POLB: variants seen among roughly 807,000 people sequenced by gnomAD.
POLB encodes DNA polymerase beta.
Under a neutral mutation model 52.7 loss-of-function variants are expected in POLB, and 37 were observed. That is an observed-to-expected ratio of 0.70 (90% CI 0.54 to 0.92). The LOEUF (loss-of-function observed/expected upper bound fraction) is 0.92. POLB is among the 40% of genes least tolerant of loss of function. The probability of loss-of-function intolerance (pLI) is 0.00; values close to 1 mark genes in which losing one functional copy is unlikely to be tolerated. For missense variants in POLB, 313 were observed against 400.8 expected (o/e 0.78, Z 1.87); for synonymous variants, 138 against 131.3 (o/e 1.05, Z -0.35).
In POLB at chr8:42,371,722, A is replaced by G. The variant is rs1429582187; in HGVS notation, c.*65A>G. 3 of 936,742 alleles carry G rather than the reference A, an allele frequency of 3.2e-6. No homozygotes were observed. The highest frequency in any genetic ancestry group is 1.7e-6 in the Non-Finnish European group (1 of 574,046). 58.0% of individuals were successfully genotyped at this position (936,742 alleles called of 1,614,324 possible). A position where few individuals can be genotyped will look rare whatever the true frequency, so the allele number is the denominator to read the frequency against. ...CTTAATTTATTTCTTAACCTTTGCT[A>G]TGTAAGGGTCTTTGGTGTTTTTAAA... is the stretch of plus-strand genomic sequence containing the variant. On this transcript the variant is annotated 3_prime_UTR_variant, in exon 14 of 14. Transcript: ENST00000265421.
intron 11 of POLB, among the ~76,000 whole-genome samples, chr8:42,366,405 G>C (rs1157604550): frequency 6.6e-6 from 1 of 152,138 alleles, no homozygotes; most frequent in Non-Finnish European, 1.5e-5. Context: ...CTGTTTATTT[G>C]TTTTTAAAGT....
chr8:42,357,326 G>A lies in POLB; in HGVS notation c.484G>A (p.Val162Ile), dbSNP rs1240471573. 2 of 1,547,552 alleles carry A rather than the reference G, an allele frequency of 1.3e-6. No individual in the cohort carries two copies. The highest frequency in any genetic ancestry group is 1.8e-6 in the Non-Finnish European group (2 of 1,119,840). Residue 162 changes from valine (V) to isoleucine (I), a missense_variant, in exon 9 of 14, where the codon GTA (valine) becomes ATA (isoleucine). Transcript: ENST00000265421. Reference protein sequence around the residue: ...REEMLQMQDIVLNEVKKVDSE... With the variant: ...REEMLQMQDIILNEVKKVDSE... ...TTAATTTTTCTTCTATTAGGATATTGTACTAAATGAAGTTAAAAAAGTGGA... is the reference window on the plus strand; with the variant it reads ...TTAATTTTTCTTCTATTAGGATATTATACTAAATGAAGTTAAAAAAGTGGA...
chr8:42,352,891 A>G (rs953819582), intron 6 of POLB, among the ~76,000 whole-genome samples: 12 of 152,044 alleles, frequency 7.9e-5, no homozygotes, highest in Non-Finnish European at 1.5e-4. Flanking sequence ...TCTGGCCAAC[A>G]TGGTGAAACC....
rs529273833 is a variant in POLB, at chr8:42,357,735, T to G, written c.550+343T>G. ...AATTTACCTTTCTTTTTCCTTTTTTTTTTTTTTTTTGAGACAGAGTCTCAC... is the reference window on the plus strand; with the variant it reads ...AATTTACCTTTCTTTTTCCTTTTTTGTTTTTTTTTTGAGACAGAGTCTCAC... On this transcript the variant is annotated intron_variant, in intron 9 of 13. Transcript: ENST00000265421. 6 of 185,824 alleles carry G rather than the reference T, an allele frequency of 3.2e-5. No homozygotes were observed. In the East Asian group the frequency reaches 8.6e-4, roughly 27 times the overall value. The allele number at this position is 185,824 out of a possible 1,614,324, so 11.5% of individuals were successfully genotyped here.
chr8:42,353,272 C>T (rs1405210341), intron 6 of POLB, among the ~76,000 whole-genome samples: 1 of 150,966 alleles, frequency 6.6e-6, no homozygotes, highest in South Asian at 2.1e-4. Context: ...CCACACCCGG[C>T]TAATTTTTTT....
At chr8:42,342,726 G>A (rs1024390153) in intron 2 of POLB, 5 of 402,260 alleles carry the variant, frequency 1.2e-5, no homozygotes, top group African/African-American at 8.2e-5. Context: ...CAGGCACAGT[G>A]GCTCACGTCT....
At chr8:42,343,773 A>G (rs1283625417) in intron 2 of POLB, among the ~76,000 whole-genome samples, 1 of 152,034 alleles carries the variant, frequency 6.6e-6, no homozygotes, top group Non-Finnish European at 1.5e-5. Flanking sequence ...TACAAATCAT[A>G]CTCTTTGACG....
intron 3 of POLB, among the ~76,000 whole-genome samples, chr8:42,348,363 A>C (rs1316390066): frequency 6.6e-6 from 1 of 152,208 alleles, no homozygotes; most frequent in African/African-American, 2.4e-5. Context: ...AGTTCTTGAA[A>C]CGTGGATGTT....
intron 8 of POLB, 39 bp from the exon 9 acceptor site, chr8:42,357,281 G>C (rs1563400909): frequency 7.0e-7 from 1 of 1,427,394 alleles, no homozygotes. Context: ...TTGGTGAAAA[G>C]CCATTTTGGG....
At chr8:42,339,170 G>C in intron 2 of POLB, 101 bp downstream of exon 2, 1 of 915,178 alleles carries the variant, frequency 1.1e-6, no homozygotes, top group East Asian at 2.4e-5. Context: ...TGGTCCATCT[G>C]CAAGAGCGGG....
At chr8:42,370,259 GTTTTTTTT>G (rs34271342) in intron 13 of POLB, 23 of 290,562 alleles carry the variant, frequency 7.9e-5, no homozygotes, top group Admixed American at 3.4e-4. Context: ...ATCTAAAAGG[GTTTTTTTT>G]TTTTTTTTTT....
At chr8:42,349,201 A>G (rs1280551686) in intron 4 of POLB, 111 bp downstream of exon 4, 2 of 619,200 alleles carry the variant, frequency 3.2e-6, no homozygotes, top group African/African-American at 3.8e-5. Context: ...ACTCACAGGA[A>G]ATGAGGTGAG....
chr8:42,368,404 A>T (rs1824172597), intron 11 of POLB, among the ~76,000 whole-genome samples: 1 of 152,250 alleles, frequency 6.6e-6, no homozygotes, highest in Admixed American at 6.5e-5. Flanking sequence ...TTGCTGAGTG[A>T]AAAAGTATGG....
In POLB at chr8:42,339,722, TTTTC is replaced by T. The variant is rs1442003781; in HGVS notation, c.119+661_119+664del. 4.6e-5 allele frequency: 7 copies of T among 152,098 alleles called. No homozygotes were observed. In the South Asian group the frequency reaches 6.2e-4, roughly 14 times the overall value. 9.4% of individuals were successfully genotyped at this position (152,098 alleles called of 1,614,324 possible). A position where few individuals can be genotyped will look rare whatever the true frequency, so the allele number is the denominator to read the frequency against. On this transcript the variant is annotated intron_variant, in intron 2 of 13. Transcript: ENST00000265421. ...ACGCCACCACACCCAGCTAATTTTTTTTTCTTTCTTTTTTTTTCTTTTTTTTTTT... is the reference window on the plus strand; with the variant it reads ...ACGCCACCACACCCAGCTAATTTTTTTTTCTTTTTTTTTCTTTTTTTTTTT...
At chr8:42,365,562 C>T (rs990716368) in intron 11 of POLB, among the ~76,000 whole-genome samples, 1 of 152,168 alleles carries the variant, frequency 6.6e-6, no homozygotes, top group African/African-American at 2.4e-5. Flanking sequence ...TATCTTGCTA[C>T]GTCTGGGCAT....
intron 3 of POLB, among the ~76,000 whole-genome samples, chr8:42,348,184 G>A (rs1822752641): frequency 6.6e-6 from 1 of 152,132 alleles, no homozygotes. Context: ...CCTAAGGAAG[G>A]TAATAGAGAT....
At chr8:42,366,351 C>T (rs1824036829) in intron 11 of POLB, among the ~76,000 whole-genome samples, 1 of 152,168 alleles carries the variant, frequency 6.6e-6, no homozygotes, top group Non-Finnish European at 1.5e-5. Context: ...ATCCCCCAGA[C>T]ATATTTCCAG....
chr8:42,370,255 A>C, intron 13 of POLB: 2 of 477,994 alleles, frequency 4.2e-6, no homozygotes, highest in Non-Finnish European at 3.8e-6. Context: ...ATTCATCTAA[A>C]AGGGTTTTTT....
intron 7 of POLB, among the ~76,000 whole-genome samples, chr8:42,356,634 G>C (rs1823333973): frequency 6.6e-6 from 1 of 151,380 alleles, no homozygotes; most frequent in South Asian, 2.1e-4. Context: ...CTAGGCAGCT[G>C]CTCATCTACT....
Sources: allele counts gnomAD v4.1 joint callset (sites outside exome capture counted in the v4.1 genomes callset), GRCh38; gene constraint gnomAD v4.1.1; transcripts MANE v1.5; gene names NCBI Gene and HGNC (gene_info 2026-07-23, HGNC 2026-07-21).